Variants in CGRRF1 observed in about 807,000 individuals in gnomAD.
CGRRF1 encodes cell growth regulator with ring finger domain 1, also known as cell growth regulator with RING finger domain protein 1.
CGRRF1 carries 32 observed loss-of-function variants against 37.2 expected under a neutral mutation model. That is an observed-to-expected ratio of 0.86 (90% CI 0.65 to 1.16). The LOEUF (loss-of-function observed/expected upper bound fraction) is 1.16. Ranked by LOEUF, CGRRF1 falls within the 50% of genes most tolerant of loss-of-function variation. CGRRF1 has a pLI of 0.00. For missense variants in CGRRF1, 391 were observed against 382.6 expected, an observed-to-expected ratio of 1.02 and a Z score of -0.18; for synonymous variants, 141 against 140.3, an observed-to-expected ratio of 1.00 and a Z score of -0.04.
intron 1 of CGRRF1, among the ~76,000 whole-genome samples, chr14:54,520,026 T>C (rs775272542): frequency 1.7e-4 from 26 of 152,236 alleles, no homozygotes; most frequent in Non-Finnish European, 3.4e-4. Flanking sequence ...ACATTACATA[T>C]TACTGATTAG....
At position 54,530,082 on chromosome 14, in the gene CGRRF1, A is replaced by C. The variant is rs145859013; in HGVS notation, c.278A>C (p.Asp93Ala). Reference protein sequence around the residue: ...GITLTTDCLEDSLLTCYWGCS... With the variant: ...GITLTTDCLEASLLTCYWGCS... ...ACCTTGACAACAGATTGCCTTGAAG[A>C]TAGCCTCCTTACATGCTACTGGGGG... is the stretch of plus-strand genomic sequence containing the variant. The change falls in exon 3 of 6, where the codon GAT becomes GCT. Residue 93 changes from aspartate to alanine, a missense_variant. Physicochemically the swap from Asp to Ala is moderately radical, Grantham distance 126. Transcript: ENST00000216420. 5.4e-5 allele frequency: 87 copies of C among 1,612,830 alleles called. No individual in the cohort carries two copies. The African/African-American group carries it at 1.0e-3, about 19-fold the overall frequency.
intron 1 of CGRRF1, chr14:54,510,310 T>A: frequency 1.9e-6 from 1 of 527,704 alleles, no homozygotes; most frequent in South Asian, 2.3e-5. Flanking sequence ...CGCATTGGGG[T>A]GTTTTACTCA....
Position 54,538,272 on chromosome 14 carries a change from TGGCTGTGTGAAGTATTTTC to T in CGRRF1, c.889_907del (p.Gly297SerfsTer90). On this transcript the variant is annotated frameshift_variant, in exon 6 of 6. Transcript: ENST00000216420. LOFTEE classifies it high-confidence loss of function. ...CATGCAGACACACATGCCTGTGTGATGGCTGTGTGAAGTATTTTCAGCAGTGCCCAATGTGCAGGCAGTT... is the reference window on the plus strand; with the variant it reads ...CATGCAGACACACATGCCTGTGTGATAGCAGTGCCCAATGTGCAGGCAGTT... The T allele has an allele frequency of 6.2e-7, 1 of 1,614,042 alleles. No individual in the cohort carries two copies. Among genetic ancestry groups the T allele is most frequent in the Non-Finnish European group, 8.5e-7 (1 of 1,179,898 alleles).
In CGRRF1 at chr14:54,538,491, A is replaced by G; in HGVS notation, c.*108A>G. ...ACAGTACTGACCATCAATGAAAATT[A>G]TATTTTAACTTCATATTTGTATGGT... is the stretch of plus-strand genomic sequence containing the variant. On this transcript the variant is annotated 3_prime_UTR_variant, in exon 6 of 6. Transcript: ENST00000216420. The G allele has an allele frequency of 6.9e-6, 5 of 728,734 alleles. No individual in the cohort carries two copies. Among genetic ancestry groups the G allele is most frequent in the Non-Finnish European group, 1.1e-5 (5 of 456,028 alleles). 45.1% of individuals were successfully genotyped at this position (728,734 alleles called of 1,614,324 possible).
intron 2 of CGRRF1, among the ~76,000 whole-genome samples, chr14:54,526,901 A>C (rs1156388036): frequency 6.6e-6 from 1 of 152,146 alleles, no homozygotes; most frequent in Non-Finnish European, 1.5e-5. Flanking sequence ...TCTCACAGGG[A>C]TCCTTCCTCA....
chr14:54,510,732 C>G (rs1280502807), intron 1 of CGRRF1, among the ~76,000 whole-genome samples: 1 of 152,132 alleles, frequency 6.6e-6, no homozygotes, highest in African/African-American at 2.4e-5. Context: ...GTTAGATAAC[C>G]GCTGAGCAAT....
chr14:54,520,457 C>T (rs990116261), intron 1 of CGRRF1, among the ~76,000 whole-genome samples: 13 of 152,132 alleles, frequency 8.5e-5, no homozygotes, highest in African/African-American at 2.9e-4. Flanking sequence ...TTAAGTGTAC[C>T]ATTTACCAAG....
chr14:54,523,418 A>G lies in CGRRF1; in HGVS notation c.244+825A>G, dbSNP rs369650909. On this transcript the variant is annotated intron_variant, in intron 2 of 5. Coordinates refer to ENST00000216420, the MANE Select transcript of CGRRF1 (RefSeq NM_006568.3). ...AAGTTGTCTGCAGGACCATATAGGA[A>G]CCATTAGAATTGTAAAGAAAGAGAT... Among the ~76,000 whole-genome samples, 14 of 152,318 alleles carry G rather than the reference A, an allele frequency of 9.2e-5. No homozygotes were observed. The East Asian group carries it at 1.3e-3, about 15-fold the overall frequency.
At chr14:54,530,405 TG>T (rs2032492977) in intron 3 of CGRRF1, 179 bp downstream of exon 3, 4 of 839,110 alleles carry the variant, frequency 4.8e-6, no homozygotes, top group Admixed American at 2.4e-5. Context: ...GAACAGTATT[TG>T]TATCCTTTCA....
chr14:54,510,250 G>C (rs1300992199), intron 1 of CGRRF1, 187 bp downstream of exon 1: 5 of 594,760 alleles, frequency 8.4e-6, no homozygotes, highest in Non-Finnish European at 1.5e-5. Context: ...CTGCGTCACT[G>C]CCCTGCATCA....
At chr14:54,535,393 A>ACC (rs1252336754) in intron 4 of CGRRF1, among the ~76,000 whole-genome samples, 2 of 150,954 alleles carry the variant, frequency 1.3e-5, no homozygotes, top group African/African-American at 4.9e-5. Context: ...ACACACACAC[A>ACC]CTTTTTGTAA....
rs1336665976 is a variant in CGRRF1, at chr14:54,530,703, G to A, written c.423-200G>A. 33 of 826,700 alleles carry A rather than the reference G, an allele frequency of 4.0e-5. No individual in the cohort carries two copies. In the East Asian group the frequency reaches 5.7e-4, roughly 14 times the overall value. 51.2% of individuals were successfully genotyped at this position (826,700 alleles called of 1,614,324 possible). On this transcript the variant is annotated intron_variant, in intron 3 of 5. Transcript: ENST00000216420. ...AAGCATGTTTATTGCTTCAGAATAA[G>A]CACTCCTCAAGCATTAGAAGATGCT...
At chr14:54,526,550 TTTG>T (rs2032415403) in intron 2 of CGRRF1, among the ~76,000 whole-genome samples, 1 of 152,154 alleles carries the variant, frequency 6.6e-6, no homozygotes. Context: ...CTGGGATTTT[TTTG>T]TTGTTGTTAT....
At chr14:54,513,480 G>A (rs780277615) in intron 1 of CGRRF1, among the ~76,000 whole-genome samples, 5 of 152,220 alleles carry the variant, frequency 3.3e-5, no homozygotes, top group Non-Finnish European at 5.9e-5. Flanking sequence ...GATCGGTCAA[G>A]TCTTAGAGAA....
intron 5 of CGRRF1, 63 bp downstream of exon 5, chr14:54,537,892 A>G: frequency 6.5e-7 from 1 of 1,549,146 alleles, no homozygotes. Flanking sequence ...AAGAATGGCC[A>G]TTTATGGAAA....
chr14:54,533,585 T>A (rs969717502), intron 4 of CGRRF1, among the ~76,000 whole-genome samples: 5 of 152,148 alleles, frequency 3.3e-5, no homozygotes, highest in Admixed American at 1.3e-4. Flanking sequence ...CTTTTTCATA[T>A]GTGTTTTTTC....
chr14:54,510,890 A>G (rs1015877222), intron 1 of CGRRF1, among the ~76,000 whole-genome samples: 1 of 152,224 alleles, frequency 6.6e-6, no homozygotes, highest in Non-Finnish European at 1.5e-5. Flanking sequence ...TTGAGATGAT[A>G]ATAGTTACAA....
chr14:54,521,915 C>T (rs1387959397), intron 1 of CGRRF1, among the ~76,000 whole-genome samples: 3 of 152,196 alleles, frequency 2.0e-5, no homozygotes, highest in African/African-American at 4.8e-5. Flanking sequence ...AATCTCCATA[C>T]TCCTTTGGTG....
At chr14:54,527,271 C>T (rs2032428060) in intron 2 of CGRRF1, among the ~76,000 whole-genome samples, 1 of 152,034 alleles carries the variant, frequency 6.6e-6, no homozygotes, top group African/African-American at 2.4e-5. Flanking sequence ...GGTACTGACA[C>T]TGTCTTCAGA....
Sources: allele counts gnomAD v4.1 joint callset (sites outside exome capture counted in the v4.1 genomes callset), GRCh38; gene constraint gnomAD v4.1.1; transcripts MANE v1.5; gene names NCBI Gene and HGNC (gene_info 2026-07-23, HGNC 2026-07-21).